Variants in PTPRG observed in about 807,000 individuals in gnomAD.
PTPRG encodes the protein receptor-type tyrosine-protein phosphatase gamma.
Under a neutral mutation model 165.3 loss-of-function variants are expected in PTPRG, and 102 were observed. The ratio of observed to expected loss-of-function variants is 0.62; its 90% CI spans 0.53 to 0.73. The LOEUF (loss-of-function observed/expected upper bound fraction) is 0.73. Among genes scored for constraint, PTPRG ranks in the 30% least tolerant of loss-of-function variants. The pLI is 0.00. For synonymous variants in PTPRG, 675 were observed against 669.5 expected (o/e 1.01, Z -0.13); for missense variants, 1,866 against 1,861.4 (o/e 1.00, Z -0.05).
intron 4 of PTPRG, among the ~76,000 whole-genome samples, chr3:62,043,269 G>T (rs1170813801): frequency 2.0e-5 from 3 of 151,988 alleles, no homozygotes; most frequent in African/African-American, 7.2e-5. Context: ...TTAGTGCTTT[G>T]TTCTCTAAAA....
intron 1 of PTPRG, among the ~76,000 whole-genome samples, chr3:61,592,944 T>G (rs1700609459): frequency 6.7e-6 from 1 of 150,306 alleles, no homozygotes; most frequent in Admixed American, 6.6e-5. Flanking sequence ...GAATAAATAC[T>G]GGGCAGGCAA....
chr3:62,002,506 C>T (rs2041196153), intron 3 of PTPRG, among the ~76,000 whole-genome samples: 2 of 152,178 alleles, frequency 1.3e-5, no homozygotes, highest in Admixed American at 1.3e-4. Context: ...TGCATTTAGA[C>T]ATTATATTCC....
rs1432112482 is a variant in PTPRG at position 62,184,740 on chromosome 3, AC to A, written c.1034-6727del. Among the ~76,000 whole-genome samples the A allele has an allele frequency of 3.3e-5, 5 of 151,854 alleles. No homozygotes were observed. In the East Asian group the frequency reaches 9.7e-4, roughly 29 times the overall value. On this transcript the variant is annotated intron_variant, in intron 8 of 29. Coordinates refer to ENST00000474889, the MANE Select transcript of PTPRG (RefSeq NM_002841.4). ...CCTGTGTGGCATATGATGTTGCAAC[AC>A]CTCCCACCCAGGAAGCAGCAGTTTC...
At chr3:61,852,501 T>A (rs1386512233) in intron 2 of PTPRG, among the ~76,000 whole-genome samples, 1 of 152,228 alleles carries the variant, frequency 6.6e-6, no homozygotes, top group Admixed American at 6.5e-5. Flanking sequence ...AAGAGTTTTT[T>A]AAAAACCATG....
chr3:61,572,192 A>G (rs1007728000), intron 1 of PTPRG, among the ~76,000 whole-genome samples: 6 of 152,194 alleles, frequency 3.9e-5, no homozygotes, highest in Non-Finnish European at 8.8e-5. Context: ...AGTAGCAGAC[A>G]AGGTGGTGAG....
chr3:61,817,975 A>ACTTC (rs1359005379), intron 2 of PTPRG, among the ~76,000 whole-genome samples: 45 of 152,272 alleles, frequency 3.0e-4, no homozygotes, highest in African/African-American at 1.0e-3. Context: ...AGGTTCAGAT[A>ACTTC]ACAGTGTGGA....
At chr3:61,959,327 C>G (rs2040099702) in intron 2 of PTPRG, among the ~76,000 whole-genome samples, 1 of 152,202 alleles carries the variant, frequency 6.6e-6, no homozygotes, top group South Asian at 2.1e-4. Context: ...CTCAGGCTCC[C>G]AAGCCAGCGG....
chr3:62,162,250 T>C (rs1223555120), intron 7 of PTPRG, among the ~76,000 whole-genome samples: 1 of 152,186 alleles, frequency 6.6e-6, no homozygotes, highest in African/African-American at 2.4e-5. Flanking sequence ...AAATGATTTA[T>C]ATACACTTCG....
At chr3:61,712,058 T>C (rs1229772719) in intron 1 of PTPRG, among the ~76,000 whole-genome samples, 6 of 152,050 alleles carry the variant, frequency 3.9e-5, no homozygotes, top group Non-Finnish European at 7.4e-5. Context: ...CATGCCCAGT[T>C]AATTTTTGTA....
intron 12 of PTPRG, among the ~76,000 whole-genome samples, chr3:62,215,441 C>T (rs1339295241): frequency 1.3e-5 from 2 of 151,938 alleles, no homozygotes. Context: ...TTAGGTCTCT[C>T]ACTGACACTA....
chr3:61,705,096 C>T (rs752247344), intron 1 of PTPRG, among the ~76,000 whole-genome samples: 1 of 152,184 alleles, frequency 6.6e-6, no homozygotes, highest in Non-Finnish European at 1.5e-5. Context: ...AAAACACATG[C>T]ACTGAAGAGC....
At chr3:62,121,943 A>G (rs957303554) in intron 5 of PTPRG, among the ~76,000 whole-genome samples, 1 of 152,158 alleles carries the variant, frequency 6.6e-6, no homozygotes, top group African/African-American at 2.4e-5. Context: ...GTCTTTCCTC[A>G]TTGCAATTTA....
intron 4 of PTPRG, among the ~76,000 whole-genome samples, chr3:62,030,496 G>A (rs1699733814): frequency 1.3e-5 from 2 of 152,108 alleles, no homozygotes; most frequent in African/African-American, 4.8e-5. Flanking sequence ...GTAGAGTTGT[G>A]GTTAAATCGG....
chr3:62,148,964 C>G (rs1001632922), intron 6 of PTPRG, among the ~76,000 whole-genome samples: 7 of 152,054 alleles, frequency 4.6e-5, no homozygotes, highest in Non-Finnish European at 8.8e-5. Context: ...CCTTGTAAAC[C>G]TTGTTTTCCT....
chr3:61,597,269 G>A (rs1461376608), intron 1 of PTPRG, among the ~76,000 whole-genome samples: 1 of 152,130 alleles, frequency 6.6e-6, no homozygotes, highest in Admixed American at 6.5e-5. Context: ...GACAGATTCA[G>A]ACCATACTGT....
intron 5 of PTPRG, among the ~76,000 whole-genome samples, chr3:62,096,120 G>C (rs150192229): frequency 2.2e-4 from 33 of 152,048 alleles, no homozygotes; most frequent in African/African-American, 8.0e-4. Flanking sequence ...CACCCCTTTG[G>C]CAAAAAGAGG....
intron 2 of PTPRG, among the ~76,000 whole-genome samples, chr3:61,966,088 A>G (rs950952100): frequency 2.6e-5 from 4 of 152,218 alleles, no homozygotes; most frequent in South Asian, 2.1e-4. Context: ...CATAGCTACT[A>G]TACCTCCGCC....
At chr3:62,094,431 A>C (rs6767322) in intron 5 of PTPRG, among the ~76,000 whole-genome samples, 47 of 152,148 alleles carry the variant, frequency 3.1e-4, no homozygotes, top group African/African-American at 1.0e-3. Flanking sequence ...CTTCTTCTGC[A>C]GGTCGCTCTC....
chr3:61,818,126 G>A (rs1165674430), intron 2 of PTPRG, among the ~76,000 whole-genome samples: 1 of 152,046 alleles, frequency 6.6e-6, no homozygotes, highest in Non-Finnish European at 1.5e-5. Context: ...TAGCGTTTGG[G>A]AATATTTATT....
Sources: gnomAD v4.1 joint callset for allele counts (sites outside exome capture counted in the v4.1 genomes callset) on GRCh38, gnomAD v4.1.1 for gene constraint, MANE v1.5 for transcripts, NCBI Gene and HGNC (gene_info 2026-07-23, HGNC 2026-07-21) for gene names.